GALC: variants seen among roughly 807,000 people sequenced by gnomAD.
GALC encodes galactosylceramidase.
Under a neutral mutation model 91.8 loss-of-function variants are expected in GALC, and 77 were observed. The observed-to-expected ratio is 0.84, with a 90% CI of 0.70 to 1.01. The LOEUF (loss-of-function observed/expected upper bound fraction) is 1.01. Ranked by LOEUF, GALC falls within the 50% of genes least tolerant of loss-of-function variation. The probability of loss-of-function intolerance (pLI) is 0.00; values close to 1 mark genes in which losing one functional copy is unlikely to be tolerated. For synonymous variants in GALC, 357 were observed against 306.7 expected, an observed-to-expected ratio of 1.16 and a Z score of -1.71; for missense variants, 882 against 855.9, an observed-to-expected ratio of 1.03 and a Z score of -0.38.
At position 87,980,456 on chromosome 14, in the gene GALC, A is replaced by G. The variant is rs930433809; in HGVS notation, c.621+1749T>C. ...GGGTCAGTGCCCCCACTCTTCCTCC[A>G]TTGTCTAATCCATCTTTCATGACTT... On this transcript the variant is annotated intron_variant, in intron 6 of 16. Coordinates refer to ENST00000261304, the MANE Select transcript of GALC (RefSeq NM_000153.4). The G allele has an allele frequency of 1.9e-5, 18 of 966,418 alleles. 1 individual carries two copies. Among genetic ancestry groups the G allele is most frequent in the Non-Finnish European group, 2.1e-5 (17 of 813,612 alleles). The allele number at this position is 966,418 out of a possible 1,614,324, so 59.9% of individuals were successfully genotyped here.
Position 87,949,856 on chromosome 14 carries a change from C to T in GALC, c.1327G>A (p.Asp443Asn). 6.4e-7 allele frequency: 1 copy of T among 1,568,070 alleles called. No homozygotes were observed. Among genetic ancestry groups the T allele is most frequent in the Non-Finnish European group, 8.8e-7 (1 of 1,139,194 alleles). The change falls in exon 12 of 17, where the codon GAT becomes AAT. Residue 443 changes from aspartate to asparagine, a missense_variant. Physicochemically the swap from Asp to Asn is conservative, Grantham distance 23 (BLOSUM62 1). Coordinates refer to ENST00000261304, the MANE Select transcript of GALC (RefSeq NM_000153.4). ...TSERFLFKQL[D>N]SLWLLDSDGS... ...TACTTTAAAATTACCCATAGAGAATCCAGCTGCTTAAAAAGAAATCTTTCG... is the reference window on the plus strand; with the variant it reads ...TACTTTAAAATTACCCATAGAGAATTCAGCTGCTTAAAAAGAAATCTTTCG...
rs781394926 is a variant in GALC, at chr14:87,988,445, T to C, written c.264+10A>G. ...TCACAGGTACCATGAAATAATTATG[T>C]TTTCATTACCTTAAAGAGATAATCC... is the stretch of plus-strand genomic sequence containing the variant. On this transcript the variant is annotated intron_variant, in intron 2 of 16. Coordinates refer to ENST00000261304, the MANE Select transcript of GALC (RefSeq NM_000153.4). The C allele has an allele frequency of 8.4e-6, 13 of 1,548,880 alleles. No individual in the cohort carries two copies. The highest frequency in any genetic ancestry group is 1.1e-5 in the Non-Finnish European group (12 of 1,120,960).
chr14:87,941,598 G>A (rs1595190222), intron 14 of GALC, 40 bp from the exon 15 acceptor site: 1 of 1,321,934 alleles, frequency 7.6e-7, no homozygotes, highest in Non-Finnish European at 1.1e-6. Flanking sequence ...TTTAAAATAT[G>A]CCCTTTGTAA....
At chr14:87,940,069 T>C (rs534342512) in intron 15 of GALC, 88 bp from the exon 16 acceptor site, 2 of 1,008,356 alleles carry the variant, frequency 2.0e-6, no homozygotes, top group Middle Eastern at 2.6e-4. Flanking sequence ...TTGAGTGGCA[T>C]CTGTATGTAG....
rs1887066553 is a variant in GALC at position 87,988,539 on chromosome 14, T to C, written c.196-16A>G. ...GGGAGGTTGCCTAAAAAAAAAAGTTTTCAAAAGTATGAATAAAAGAAATCC... is the reference window on the plus strand; with the variant it reads ...GGGAGGTTGCCTAAAAAAAAAAGTTCTCAAAAGTATGAATAAAAGAAATCC... On this transcript the variant is annotated splice_polypyrimidine_tract_variant and intron_variant, in intron 1 of 16. Transcript: ENST00000261304. 1 of 1,576,412 alleles carries C rather than the reference T, an allele frequency of 6.3e-7. No individual in the cohort carries two copies. The highest frequency in any genetic ancestry group is 1.3e-5 in the African/African-American group (1 of 74,232).
At chr14:87,952,317 G>T (rs1035815174) in intron 10 of GALC, among the ~76,000 whole-genome samples, 1 of 151,860 alleles carries the variant, frequency 6.6e-6, no homozygotes, top group African/African-American at 2.4e-5. Context: ...GATTTACCTA[G>T]GGGGAGAGGC....
chr14:87,993,446 G>A, upstream of GALC: 1 of 1,535,850 alleles, frequency 6.5e-7, no homozygotes, highest in Middle Eastern at 1.7e-4. Flanking sequence ...GGATTCCAAG[G>A]TCCGCCAAAG....
chr14:87,963,721 G>T (rs537925466), intron 9 of GALC, among the ~76,000 whole-genome samples: 1 of 152,128 alleles, frequency 6.6e-6, no homozygotes, highest in East Asian at 1.9e-4. Flanking sequence ...TTCCTGGAAT[G>T]ATGGGTAAAA....
chr14:87,965,383 A>T, intron 9 of GALC, 122 bp downstream of exon 9: 2 of 1,111,556 alleles, frequency 1.8e-6, no homozygotes, highest in Non-Finnish European at 2.7e-6. Context: ...AATCTTGCTT[A>T]AAACTTAAAT....
At chr14:87,935,877 C>T (rs1884547495) in intron 16 of GALC, among the ~76,000 whole-genome samples, 2 of 152,018 alleles carry the variant, frequency 1.3e-5, no homozygotes, top group African/African-American at 4.8e-5. Context: ...GGTTTTCACT[C>T]CAAGTTACCT....
intron 4 of GALC, 111 bp from the exon 5 acceptor site, chr14:87,984,644 ACAGATCTGAC>A (rs1386528641): frequency 9.8e-7 from 1 of 1,020,670 alleles, no homozygotes; most frequent in African/African-American, 1.6e-5. Flanking sequence ...AAAAACCAAT[ACAGATCTGAC>A]TAAAGGAAAG....
chr14:87,950,764 C>T lies in GALC; in HGVS notation c.1162-16G>A. 1 of 1,528,052 alleles carries T rather than the reference C, an allele frequency of 6.5e-7. No homozygotes were observed. Among genetic ancestry groups the T allele is most frequent in the Non-Finnish European group, 9.0e-7 (1 of 1,106,122 alleles). The allele number at this position is 1,528,052 out of a possible 1,614,324, so 94.7% of individuals were successfully genotyped here. A position where few individuals can be genotyped will look rare whatever the true frequency, so the allele number is the denominator to read the frequency against. On this transcript the variant is annotated splice_polypyrimidine_tract_variant and intron_variant, in intron 10 of 16. Coordinates refer to ENST00000261304, the MANE Select transcript of GALC (RefSeq NM_000153.4). ...GTTTATGACTCTGAAAAAAAAAAAT[C>T]ACATACATTATCCAAATGATGTATA... is the stretch of plus-strand genomic sequence containing the variant.
intron 3 of GALC, among the ~76,000 whole-genome samples, chr14:87,987,316 T>C (rs1017701479): frequency 6.6e-6 from 1 of 152,242 alleles, no homozygotes; most frequent in African/African-American, 2.4e-5. Context: ...TGCCTGTTTA[T>C]GTACCTCTAC....
At chr14:87,961,447 T>C (rs1301575943) in intron 10 of GALC, among the ~76,000 whole-genome samples, 2 of 150,186 alleles carry the variant, frequency 1.3e-5, no homozygotes, top group African/African-American at 2.4e-5. Flanking sequence ...GACCCAGCAA[T>C]TCCACTCCTA....
chr14:87,946,808 C>A (rs1281883081), intron 13 of GALC, among the ~76,000 whole-genome samples: 2 of 151,888 alleles, frequency 1.3e-5, no homozygotes, highest in Non-Finnish European at 2.9e-5. Flanking sequence ...ACCAAGCTCC[C>A]CCTGAGGATC....
chr14:87,993,051 C>T lies in GALC; in HGVS notation c.114G>A (p.Ala38=). The change falls in exon 1 of 17, where the codon GCG becomes GCA. Residue 38 remains alanine, a synonymous_variant. Transcript: ENST00000261304. ...CGTCGAGCACGTACGCGCCGCCGGGCGCCAGCAGCGCACACAGCAGCAAGG... is the reference window on the plus strand; with the variant it reads ...CGTCGAGCACGTACGCGCCGCCGGGTGCCAGCAGCGCACACAGCAGCAAGG... The part of the protein sequence containing the change: ...AVPLLLCALL[A]PGGAYVLDDS... 1 of 1,560,572 alleles carries T rather than the reference C, an allele frequency of 6.4e-7. No homozygotes were observed. Among genetic ancestry groups the T allele is most frequent in the South Asian group, 1.2e-5 (1 of 85,642 alleles).
chr14:87,977,658 T>A (rs1424302978), intron 6 of GALC, among the ~76,000 whole-genome samples: 3 of 152,196 alleles, frequency 2.0e-5, no homozygotes, highest in Non-Finnish European at 4.4e-5. Context: ...TAGCAGCAGA[T>A]GCTCAATACT....
chr14:87,993,183 C>G, upstream of GALC: 3 of 1,576,182 alleles, frequency 1.9e-6, no homozygotes, highest in Non-Finnish European at 2.6e-6. Context: ...TCACATGACT[C>G]CGGCGCCCAG....
chr14:87,946,319 A>C (rs1221752268), intron 13 of GALC, among the ~76,000 whole-genome samples: 1 of 152,044 alleles, frequency 6.6e-6, no homozygotes. Context: ...TTTTGGGCCT[A>C]AGTTATCAAT....
Sources: allele counts gnomAD v4.1 joint callset (sites outside exome capture counted in the v4.1 genomes callset), GRCh38; gene constraint gnomAD v4.1.1; transcripts MANE v1.5; gene names NCBI Gene and HGNC (gene_info 2026-07-23, HGNC 2026-07-21).